Variants in METTL15 observed in about 807,000 individuals in gnomAD.
METTL15 encodes the protein methyltransferase 15, mitochondrial 12S rRNA N4-cytidine.
A neutral mutation model predicts 38.3 loss-of-function variants in METTL15; 34 were observed. The ratio of observed to expected loss-of-function variants is 0.89; its 90% CI spans 0.68 to 1.18. METTL15 has a LOEUF of 1.18. Ranked by LOEUF, METTL15 falls within the 50% of genes most tolerant of loss-of-function variation. The pLI, the probability that METTL15 is intolerant of heterozygous loss-of-function variation, is 0.00. For synonymous variants in METTL15, 162 were observed against 170.9 expected, an observed-to-expected ratio of 0.95 and a Z score of 0.41; for missense variants, 438 against 498.4, an observed-to-expected ratio of 0.88 and a Z score of 1.15.
At chr11:28,187,053 C>T (rs1017904202) in intron 3 of METTL15, among the ~76,000 whole-genome samples, 1 of 150,998 alleles carries the variant, frequency 6.6e-6, no homozygotes. Context: ...ACTGGAATAA[C>T]CTTAAACAAA....
At chr11:28,410,847 T>A (rs1850718533) in intron 5 of METTL15, 2 of 152,164 alleles carry the variant, frequency 1.3e-5, no homozygotes, top group South Asian at 2.1e-4. Context: ...TATTTTCAGA[T>A]AATATGATTC....
intron 5 of METTL15, among the ~76,000 whole-genome samples, chr11:28,365,538 T>C (rs1281840508): frequency 6.6e-6 from 1 of 152,154 alleles, no homozygotes; most frequent in Non-Finnish European, 1.5e-5. Flanking sequence ...TCATATCTGA[T>C]TGCATTTATT....
At chr11:28,204,659 A>T (rs899374489) in intron 3 of METTL15, among the ~76,000 whole-genome samples, 2 of 151,826 alleles carry the variant, frequency 1.3e-5, no homozygotes, top group African/African-American at 4.8e-5. Flanking sequence ...TGCATTTGCC[A>T]CTTACTAGTT....
chr11:28,304,458 C>G (rs937586496), intron 6 of METTL15, among the ~76,000 whole-genome samples: 5 of 152,144 alleles, frequency 3.3e-5, no homozygotes, highest in Non-Finnish European at 7.3e-5. Context: ...GTGGCTCACT[C>G]TATACTGCAA....
chr11:28,113,279 A>G, intron 2 of METTL15, 39 bp from the exon 3 acceptor site: 1 of 1,353,390 alleles, frequency 7.4e-7, no homozygotes, highest in Non-Finnish European at 1.0e-6. Context: ...ACATTCTTTT[A>G]AAAAAATCCA....
intron 3 of METTL15, among the ~76,000 whole-genome samples, chr11:28,205,380 G>C (rs1190783619): frequency 6.6e-6 from 1 of 151,466 alleles, no homozygotes; most frequent in East Asian, 1.9e-4. Context: ...TCTTGCAATA[G>C]TTTACTGAGA....
intron 4 of METTL15, among the ~76,000 whole-genome samples, chr11:28,355,965 G>A (rs1850086677): frequency 6.6e-6 from 1 of 152,006 alleles, no homozygotes; most frequent in Admixed American, 6.6e-5. Flanking sequence ...TCTTGCTCTT[G>A]CTCAAACACA....
chr11:28,153,956 T>A (rs893113564), intron 3 of METTL15, among the ~76,000 whole-genome samples: 4 of 152,154 alleles, frequency 2.6e-5, no homozygotes, highest in Non-Finnish European at 5.9e-5. Context: ...CCTCTGTTAA[T>A]CTCTATAAAT....
At chr11:28,228,688 A>AACC (rs1393967184) in intron 4 of METTL15, among the ~76,000 whole-genome samples, 1 of 151,906 alleles carries the variant, frequency 6.6e-6, no homozygotes, top group African/African-American at 2.4e-5. Context: ...ATTTTTTGAA[A>AACC]ACCACCATGC....
chr11:28,139,345 A>G (rs1188427223), intron 3 of METTL15, among the ~76,000 whole-genome samples: 3 of 152,202 alleles, frequency 2.0e-5, no homozygotes, highest in Non-Finnish European at 4.4e-5. Context: ...AAAGAGGGGA[A>G]CAAGTCATCC....
chr11:28,263,795 G>A (rs1026366084), intron 4 of METTL15, among the ~76,000 whole-genome samples: 1 of 151,846 alleles, frequency 6.6e-6, no homozygotes, highest in South Asian at 2.1e-4. Flanking sequence ...ACTTGGCTTC[G>A]TTTTTATCTT....
chr11:28,184,454 G>A (rs1851418539), intron 3 of METTL15, among the ~76,000 whole-genome samples: 1 of 151,894 alleles, frequency 6.6e-6, no homozygotes, highest in African/African-American at 2.4e-5. Context: ...ATTCTGGTAC[G>A]TTGTGTTTTC....
intron 6 of METTL15, among the ~76,000 whole-genome samples, chr11:28,526,045 T>A (rs1357753215): frequency 6.6e-6 from 1 of 152,178 alleles, no homozygotes; most frequent in Non-Finnish European, 1.5e-5. Flanking sequence ...CTGGCCCGGG[T>A]GCTAAGCACC....
chr11:28,220,104 C>T (rs553213954), intron 4 of METTL15, among the ~76,000 whole-genome samples: 2 of 152,242 alleles, frequency 1.3e-5, no homozygotes, highest in African/African-American at 2.4e-5. Flanking sequence ...GAGTTCAATT[C>T]CTGTATATCT....
Position 28,330,837 on chromosome 11 carries a change from T to G in METTL15, c.1220T>G (p.Leu407Ter). The G allele has an allele frequency of 6.5e-7, 1 of 1,531,062 alleles. No homozygotes were observed. The highest frequency in any genetic ancestry group is 8.8e-7 in the Non-Finnish European group (1 of 1,140,086). 94.8% of individuals were successfully genotyped at this position (1,531,062 alleles called of 1,614,324 possible). ...RSAKLRAAIK[L>*] ...GCCAAGCTTAGAGCAGCTATCAAAT[T>G]ATAAGTTATCATCATCTTATTCTTC... is the stretch of plus-strand genomic sequence containing the variant. Residue 407 changes from leucine (L) to a stop codon, truncating the protein, a stop_gained, in exon 7 of 7, where the codon TTA (leucine) becomes TGA (stop). Transcript: ENST00000407364. LOFTEE classifies it high-confidence loss of function.
chr11:28,391,341 A>C (rs983852926), intron 5 of METTL15, among the ~76,000 whole-genome samples: 1 of 152,032 alleles, frequency 6.6e-6, no homozygotes, highest in African/African-American at 2.4e-5. Context: ...GTTTTTGCCC[A>C]TTCAGTATGA....
intron 4 of METTL15, among the ~76,000 whole-genome samples, chr11:28,222,510 C>T (rs908520881): frequency 3.3e-5 from 5 of 152,190 alleles, no homozygotes; most frequent in Admixed American, 1.3e-4. Flanking sequence ...TGGGGTGAGG[C>T]GATGCCTCGC....
downstream of METTL15, among the ~76,000 whole-genome samples, chr11:28,528,696 A>T (rs1851827691): frequency 6.6e-6 from 1 of 152,224 alleles, no homozygotes; most frequent in Admixed American, 6.5e-5. Context: ...TTCCAAATGG[A>T]CAAAAACCTT....
chr11:28,352,724 C>G (rs547652548), intron 4 of METTL15, among the ~76,000 whole-genome samples: 13 of 152,182 alleles, frequency 8.5e-5, no homozygotes, highest in Admixed American at 5.2e-4. Context: ...CACCCCACCC[C>G]CAAGGGTCAT....
Sources: gnomAD v4.1 joint callset for allele counts (sites outside exome capture counted in the v4.1 genomes callset) on GRCh38, gnomAD v4.1.1 for gene constraint, MANE v1.5 for transcripts, NCBI Gene and HGNC (gene_info 2026-07-23, HGNC 2026-07-21) for gene names.